The following DOCK3 variants were observed in gnomAD, a reference collection of about 807,000 sequenced individuals.
DOCK3 encodes dedicator of cytokinesis protein 3.
A neutral mutation model predicts 265.6 loss-of-function variants in DOCK3; 60 were observed. That is an observed-to-expected ratio of 0.23 (90% CI 0.18 to 0.28). The LOEUF (loss-of-function observed/expected upper bound fraction) is 0.28, where lower values mean the gene tolerates loss of function less well. DOCK3 is among the 10% of genes least tolerant of loss of function. DOCK3 has a pLI of 1.00. For missense variants in DOCK3, 1,981 were observed against 2,594.3 expected (o/e 0.76, Z 5.14); for synonymous variants, 881 against 938.0 (o/e 0.94, Z 1.11).
intron 7 of DOCK3, among the ~76,000 whole-genome samples, chr3:51,084,647 A>G (rs1219518454): frequency 6.6e-6 from 1 of 152,212 alleles, no homozygotes; most frequent in African/African-American, 2.4e-5. Flanking sequence ...TCATGAAAAC[A>G]CACAAAAGTA....
chr3:50,767,158 A>G (rs561742105), intron 1 of DOCK3, among the ~76,000 whole-genome samples: 11 of 152,232 alleles, frequency 7.2e-5, no homozygotes, highest in Admixed American at 7.2e-4. Context: ...TTTTGTGGCC[A>G]TTGCTTTTGG....
intron 5 of DOCK3, among the ~76,000 whole-genome samples, chr3:51,041,204 A>ATTTTT (rs1183149090): frequency 2.7e-4 from 4 of 14,788 alleles, no homozygotes; most frequent in African/African-American, 5.5e-4. Context: ...ATATATATAT[A>ATTTTT]TTTTTTTTTT....
In DOCK3 at chr3:50,871,861, C is replaced by G. The variant is rs114495775; in HGVS notation, c.163-18165C>G. On this transcript the variant is annotated intron_variant, in intron 3 of 52. Transcript: ENST00000266037. ...AGTACATCAGTTGCATTTTTCAACT[C>G]CAGAATTTTGGCTTGATTATTTTAA... Among the ~76,000 whole-genome samples the G allele has an allele frequency of 6.6e-3, 1,008 of 152,250 alleles. 6 individuals are homozygous for G. Among genetic ancestry groups the G allele is most frequent in the African/African-American group, 0.023 (942 of 41,548 alleles).
At chr3:51,267,813 A>G (rs1007529967) in intron 23 of DOCK3, among the ~76,000 whole-genome samples, 2 of 152,226 alleles carry the variant, frequency 1.3e-5, no homozygotes, top group Non-Finnish European at 1.5e-5. Context: ...ATGCAGCCAT[A>G]AAAAAGGATG....
chr3:51,012,771 A>G (rs1255058008), intron 5 of DOCK3, among the ~76,000 whole-genome samples: 1 of 152,156 alleles, frequency 6.6e-6, no homozygotes. Context: ...AGTTGTTCCT[A>G]TTCGGCCATC....
chr3:51,271,156 A>G (rs1224565283), intron 24 of DOCK3, 149 bp downstream of exon 24: 1 of 938,972 alleles, frequency 1.1e-6, no homozygotes, highest in Non-Finnish European at 1.6e-6. Context: ...TTTTTTGATA[A>G]ACTATAATAG....
At chr3:51,248,718 G>A (rs1314330940) in intron 22 of DOCK3, among the ~76,000 whole-genome samples, 5 of 151,694 alleles carry the variant, frequency 3.3e-5, no homozygotes, top group East Asian at 1.9e-4. Context: ...GAGCGTCTCC[G>A]CCCGGCCGCC....
At chr3:50,768,834 G>A (rs1005092371) in intron 1 of DOCK3, among the ~76,000 whole-genome samples, 1 of 152,104 alleles carries the variant, frequency 6.6e-6, no homozygotes, top group Non-Finnish European at 1.5e-5. Context: ...CCTCCATCCC[G>A]TTGTCCTGAA....
chr3:50,872,824 C>T (rs2047496016), intron 3 of DOCK3, among the ~76,000 whole-genome samples: 1 of 152,228 alleles, frequency 6.6e-6, no homozygotes, highest in Admixed American at 6.5e-5. Context: ...CTCCTGCCAT[C>T]ACAGGCCCAC....
At chr3:51,309,618 G>GGAGAGCGAGAGCGAGAGC (rs71084141) in intron 27 of DOCK3, among the ~76,000 whole-genome samples, 2 of 150,648 alleles carry the variant, frequency 1.3e-5, no homozygotes, top group Admixed American at 1.3e-4. Context: ...AGAGGGAGAG[G>GGAGAGCGAGAGCGAGAGC]GAGAGCGAGA....
At chr3:51,249,900 A>G (rs901836618) in intron 22 of DOCK3, among the ~76,000 whole-genome samples, 15 of 148,706 alleles carry the variant, frequency 1.0e-4, no homozygotes, top group African/African-American at 1.5e-4. Context: ...AGAAGTAGAC[A>G]TGGGAGACTT....
intron 5 of DOCK3, among the ~76,000 whole-genome samples, chr3:51,004,635 C>T (rs1167912832): frequency 6.6e-6 from 1 of 151,046 alleles, no homozygotes; most frequent in Non-Finnish European, 1.5e-5. Flanking sequence ...TATAATACTG[C>T]ATTATTCTAC....
chr3:50,868,948 G>T (rs1223476405), intron 3 of DOCK3, among the ~76,000 whole-genome samples: 2 of 98,754 alleles, frequency 2.0e-5, no homozygotes, highest in African/African-American at 8.7e-5. Flanking sequence ...AAGTTTGTCG[G>T]TTTTGTTTAA....
intron 1 of DOCK3, among the ~76,000 whole-genome samples, chr3:50,736,656 G>C (rs1367979458): frequency 6.7e-6 from 1 of 150,040 alleles, no homozygotes; most frequent in Non-Finnish European, 1.5e-5. Flanking sequence ...AGCCACTGAT[G>C]ATGAGCATTT....
intron 4 of DOCK3, among the ~76,000 whole-genome samples, chr3:50,920,526 T>A (rs2050389661): frequency 6.6e-6 from 1 of 152,236 alleles, no homozygotes; most frequent in Non-Finnish European, 1.5e-5. Flanking sequence ...ATTTTCTAGT[T>A]TATTTGTGTA....
chr3:51,311,530 A>G (rs368692681), intron 28 of DOCK3, among the ~76,000 whole-genome samples: 3 of 152,236 alleles, frequency 2.0e-5, no homozygotes, highest in African/African-American at 7.2e-5. Context: ...TGACAAAAGC[A>G]AAGATTTATT....
At chr3:50,774,465 ATGT>A (rs1198126129) in intron 1 of DOCK3, among the ~76,000 whole-genome samples, 1 of 151,598 alleles carries the variant, frequency 6.6e-6, no homozygotes, top group Non-Finnish European at 1.5e-5. Context: ...GCATTTTTTG[ATGT>A]TGTTATAAAT....
chr3:51,376,950 C>T (rs1458015832), intron 51 of DOCK3, among the ~76,000 whole-genome samples: 1 of 152,266 alleles, frequency 6.6e-6, no homozygotes, highest in Non-Finnish European at 1.5e-5. Flanking sequence ...TCTTGGACTT[C>T]TGCACCTGTG....
At chr3:51,072,146 A>G (rs1377428231) in intron 6 of DOCK3, among the ~76,000 whole-genome samples, 2 of 152,206 alleles carry the variant, frequency 1.3e-5, no homozygotes, top group Admixed American at 6.5e-5. Flanking sequence ...AAGCTACTGT[A>G]TTCTTTATGT....
Sources: allele counts gnomAD v4.1 joint callset (sites outside exome capture counted in the v4.1 genomes callset), GRCh38; gene constraint gnomAD v4.1.1; transcripts MANE v1.5; gene names NCBI Gene and HGNC (gene_info 2026-07-23, HGNC 2026-07-21).